Variants in ADAMTSL1 observed in about 807,000 individuals in gnomAD.
The protein encoded by ADAMTSL1 is ADAMTS-like protein 1.
A neutral mutation model predicts 201.8 loss-of-function variants in ADAMTSL1; 126 were observed. The observed-to-expected ratio is 0.62, with a 90% CI of 0.54 to 0.72. The LOEUF (loss-of-function observed/expected upper bound fraction) is 0.72. Ranked by LOEUF, ADAMTSL1 falls within the 30% of genes least tolerant of loss-of-function variation. The pLI is 0.00. For missense variants in ADAMTSL1, 2,679 were observed against 2,277.8 expected (o/e 1.18, Z -3.59); for synonymous variants, 1,121 against 903.4 (o/e 1.24, Z -4.32).
At chr9:18,662,697 T>C (rs892343645) in intron 9 of ADAMTSL1, among the ~76,000 whole-genome samples, 2 of 152,200 alleles carry the variant, frequency 1.3e-5, no homozygotes, top group African/African-American at 4.8e-5. Context: ...ATTATTTGCT[T>C]TTTGGAAACT....
intron 2 of ADAMTSL1, among the ~76,000 whole-genome samples, chr9:18,171,476 C>G (rs7030406): frequency 0.031 from 4,742 of 151,974 alleles, 291 homozygotes; most frequent in African/African-American, 0.11. Flanking sequence ...ATTCCATAAA[C>G]AAGGTAAAAG....
At chr9:18,891,551 A>C (rs1829275817) in intron 25 of ADAMTSL1, among the ~76,000 whole-genome samples, 1 of 152,216 alleles carries the variant, frequency 6.6e-6, no homozygotes. Flanking sequence ...TTTGTGAGAA[A>C]AGTCCATCGG....
intron 2 of ADAMTSL1, among the ~76,000 whole-genome samples, chr9:18,204,147 T>A (rs1829555389): frequency 6.6e-6 from 1 of 152,166 alleles, no homozygotes; most frequent in African/African-American, 2.4e-5. Context: ...TACTTAACCC[T>A]ATGTGATTGA....
At chr9:18,252,783 A>G (rs1831517520) in intron 2 of ADAMTSL1, among the ~76,000 whole-genome samples, 1 of 152,162 alleles carries the variant, frequency 6.6e-6, no homozygotes, top group Non-Finnish European at 1.5e-5. Context: ...AGCATCTTAA[A>G]TGTTGCTGGT....
intron 4 of ADAMTSL1, among the ~76,000 whole-genome samples, chr9:18,602,268 C>T (rs1824710790): frequency 6.6e-6 from 1 of 152,170 alleles, no homozygotes; most frequent in South Asian, 2.1e-4. Context: ...CCATGGAAAA[C>T]TTCTGTCTTG....
At chr9:18,529,412 T>C (rs747305771) in intron 2 of ADAMTSL1, among the ~76,000 whole-genome samples, 1 of 152,192 alleles carries the variant, frequency 6.6e-6, no homozygotes, top group African/African-American at 2.4e-5. Context: ...CTTTTCTTAT[T>C]GTTTGATAGA....
intron 1 of ADAMTSL1, among the ~76,000 whole-genome samples, chr9:18,484,578 T>C (rs1821892317): frequency 6.6e-6 from 1 of 152,210 alleles, no homozygotes; most frequent in African/African-American, 2.4e-5. Flanking sequence ...TCTAGAGCTA[T>C]GCTAAAGTAG....
At chr9:18,167,321 T>C (rs538009831) in intron 2 of ADAMTSL1, among the ~76,000 whole-genome samples, 5 of 152,066 alleles carry the variant, frequency 3.3e-5, no homozygotes, top group South Asian at 4.1e-4. Context: ...GCCACTATTG[T>C]ACCTTGGTAT....
chr9:18,134,837 A>G, intron 1 of ADAMTSL1, among the ~76,000 whole-genome samples: 1 of 152,198 alleles, frequency 6.6e-6, no homozygotes, highest in Non-Finnish European at 1.5e-5. Flanking sequence ...CCTTTAGCAC[A>G]GACAATAAGG....
At chr9:17,964,843 T>G (rs1472241123) in intron 1 of ADAMTSL1, among the ~76,000 whole-genome samples, 1 of 152,166 alleles carries the variant, frequency 6.6e-6, no homozygotes, top group African/African-American at 2.4e-5. Context: ...AAACAACATT[T>G]AAGCATTTAC....
intron 1 of ADAMTSL1, among the ~76,000 whole-genome samples, chr9:17,985,383 C>A (rs1232070014): frequency 6.6e-6 from 1 of 151,912 alleles, no homozygotes; most frequent in African/African-American, 2.4e-5. Context: ...TCTAGGAAGA[C>A]CATTTAAAAT....
At chr9:18,145,973 A>G (rs1826621913) in intron 1 of ADAMTSL1, among the ~76,000 whole-genome samples, 1 of 152,196 alleles carries the variant, frequency 6.6e-6, no homozygotes, top group African/African-American at 2.4e-5. Context: ...AAAAATAACC[A>G]TATGAACAGA....
intron 4 of ADAMTSL1, among the ~76,000 whole-genome samples, chr9:18,581,451 A>T (rs1482820533): frequency 6.6e-6 from 1 of 152,182 alleles, no homozygotes; most frequent in Non-Finnish European, 1.5e-5. Flanking sequence ...CCAAATTTAC[A>T]TCCTTCACAT....
intron 13 of ADAMTSL1, among the ~76,000 whole-genome samples, chr9:18,699,881 G>A (rs1831820271): frequency 6.6e-6 from 1 of 152,194 alleles, no homozygotes; most frequent in African/African-American, 2.4e-5. Flanking sequence ...AAAAGAAGTG[G>A]TGCTGTCAGA....
At chr9:18,561,023 T>C (rs1821460187) in intron 3 of ADAMTSL1, among the ~76,000 whole-genome samples, 1 of 152,134 alleles carries the variant, frequency 6.6e-6, no homozygotes, top group Non-Finnish European at 1.5e-5. Context: ...TGCCCTGATC[T>C]TAGTTATTTC....
chr9:17,914,592 T>A (rs892379468), intron 1 of ADAMTSL1, among the ~76,000 whole-genome samples: 1 of 150,882 alleles, frequency 6.6e-6, no homozygotes, highest in Non-Finnish European at 1.5e-5. Flanking sequence ...ACTGGAAGCA[T>A]TCCCTTTGAA....
At chr9:18,167,242 T>G (rs1397177485) in intron 2 of ADAMTSL1, among the ~76,000 whole-genome samples, 1 of 151,992 alleles carries the variant, frequency 6.6e-6, no homozygotes, top group East Asian at 1.9e-4. Context: ...GAATGAGGTT[T>G]TCTTCAGTAT....
At chr9:17,967,205 A>T (rs1465150809) in intron 1 of ADAMTSL1, among the ~76,000 whole-genome samples, 1 of 152,228 alleles carries the variant, frequency 6.6e-6, no homozygotes, top group East Asian at 1.9e-4. Flanking sequence ...ATTCATTCTT[A>T]GAGTTGGAAT....
intron 23 of ADAMTSL1, among the ~76,000 whole-genome samples, chr9:18,861,612 C>G (rs1318134697): frequency 2.6e-5 from 4 of 152,202 alleles, no homozygotes; most frequent in East Asian, 1.9e-4. Context: ...TTGGACAACT[C>G]TCTGCCCTTC....
Sources: gnomAD v4.1 joint callset for allele counts (sites outside exome capture counted in the v4.1 genomes callset) on GRCh38, gnomAD v4.1.1 for gene constraint, MANE v1.5 for transcripts, NCBI Gene and HGNC (gene_info 2026-07-23, HGNC 2026-07-21) for gene names.